The following PLIN3 variants were observed in gnomAD, a reference collection of about 807,000 sequenced individuals.
PLIN3 encodes perilipin 3.
A neutral mutation model predicts 35.9 loss-of-function variants in PLIN3; 30 were observed. The observed-to-expected ratio is 0.84, with a 90% CI of 0.62 to 1.13. The LOEUF (loss-of-function observed/expected upper bound fraction) is 1.13, where lower values mean the gene tolerates loss of function less well. PLIN3 is among the 50% of genes most tolerant of loss of function. The pLI, the probability that PLIN3 is intolerant of heterozygous loss-of-function variation, is 0.00. For missense variants in PLIN3, 603 were observed against 596.9 expected (o/e 1.01, Z -0.11); for synonymous variants, 261 against 262.5 (o/e 0.99, Z 0.06).
chr19:4,842,856 A>C (rs1005471101), intron 7 of PLIN3, among the ~76,000 whole-genome samples: 1 of 152,094 alleles, frequency 6.6e-6, no homozygotes, highest in African/African-American at 2.4e-5. Context: ...GATATTCACC[A>C]TATCTTTATG....
At position 4,840,613 on chromosome 19, in the gene PLIN3, T is replaced by C. The variant is rs1055194843; in HGVS notation, c.961-1077A>G. Among the ~76,000 whole-genome samples, 4 of 152,078 alleles carry C rather than the reference T, an allele frequency of 2.6e-5. No homozygotes were observed. The East Asian group carries it at 5.8e-4, about 22-fold the overall frequency. The stretch of plus-strand genomic sequence containing the variant: ...CCAAAGAAGATATAGGGAGAGCACA[T>C]GAAAAGCTGTTTGACCTTATAAGTC... On this transcript the variant is annotated intron_variant, in intron 7 of 7. Transcript: ENST00000221957.
At chr19:4,850,197 G>A (rs1030273178) in intron 5 of PLIN3, among the ~76,000 whole-genome samples, 1 of 151,700 alleles carries the variant, frequency 6.6e-6, no homozygotes, top group Non-Finnish European at 1.5e-5. Flanking sequence ...ACCCGCCTCA[G>A]CCTCCCAAAG....
intron 4 of PLIN3, among the ~76,000 whole-genome samples, chr19:4,854,029 C>T (rs2030392645): frequency 6.6e-6 from 1 of 150,906 alleles, no homozygotes; most frequent in Admixed American, 6.6e-5. Flanking sequence ...ACCTCTTCGG[C>T]TCCAGCGATC....
intron 1 of PLIN3, among the ~76,000 whole-genome samples, chr19:4,865,200 A>G (rs1286997586): frequency 6.7e-6 from 1 of 148,792 alleles, no homozygotes; most frequent in Non-Finnish European, 1.5e-5. Context: ...TCAAAGAAAA[A>G]AGAAAAAGCC....
Position 4,859,591 on chromosome 19 carries a change from T to C in PLIN3, c.347A>G (p.Lys116Arg), listed in dbSNP as rs1294605212. The C allele has an allele frequency of 1.2e-6, 2 of 1,613,620 alleles. No individual in the cohort carries two copies. The highest frequency in any genetic ancestry group is 1.7e-6 in the Non-Finnish European group (2 of 1,179,564). Residue 116 changes from lysine to arginine, a missense_variant and splice_region_variant, in exon 4 of 8, where the codon AAG (lysine) becomes AGG (arginine). Transcript: ENST00000221957. ...GCCCCTGAGGACGGACATCGTTACC[T>C]TCTCCGTGGGCTGCTGCAGGATGGG... is the stretch of plus-strand genomic sequence containing the variant. ...NLPILQQPTEKVLADTKELVS... is the reference protein window; with the variant it reads ...NLPILQQPTERVLADTKELVS...
At chr19:4,851,512 A>T (rs1408377077) in intron 5 of PLIN3, among the ~76,000 whole-genome samples, 2 of 152,128 alleles carry the variant, frequency 1.3e-5, no homozygotes, top group Non-Finnish European at 2.9e-5. Context: ...TAAACAGTGC[A>T]GGGAGTGCGA....
chr19:4,840,175 C>T (rs975758373), intron 7 of PLIN3, among the ~76,000 whole-genome samples: 3 of 151,976 alleles, frequency 2.0e-5, no homozygotes, highest in African/African-American at 4.8e-5. Flanking sequence ...ACCATGTTGG[C>T]CAGGCTGGTC....
At chr19:4,841,959 G>T (rs999801493) in intron 7 of PLIN3, among the ~76,000 whole-genome samples, 1 of 148,694 alleles carries the variant, frequency 6.7e-6, no homozygotes, top group African/African-American at 2.5e-5. Context: ...ACAAAAAGTG[G>T]AAGCCAGGCT....
intron 7 of PLIN3, among the ~76,000 whole-genome samples, chr19:4,843,234 C>T (rs376379352): frequency 7.3e-4 from 110 of 150,292 alleles, no homozygotes; most frequent in East Asian, 3.2e-3. Flanking sequence ...AGGCAGGGTG[C>T]GGTGGCTCAC....
intron 4 of PLIN3, among the ~76,000 whole-genome samples, chr19:4,858,963 AAGTGCTG>A (rs1350842010): frequency 6.6e-6 from 1 of 151,620 alleles, no homozygotes; most frequent in African/African-American, 2.4e-5. Context: ...TGGCCTCCCA[AAGTGCTG>A]GGATTACAGG....
At chr19:4,867,075 G>A (rs1180340874) in intron 1 of PLIN3, 1 of 152,268 alleles carries the variant, frequency 6.6e-6, no homozygotes, top group African/African-American at 2.4e-5. Context: ...GCCCACCCGA[G>A]GGAAGTGGGC....
intron 2 of PLIN3, 39 bp downstream of exon 2, chr19:4,861,290 A>G: frequency 6.3e-7 from 1 of 1,575,916 alleles, no homozygotes; most frequent in Non-Finnish European, 8.7e-7. Context: ...CACGGGAATC[A>G]CAGGGTCGGG....
intron 1 of PLIN3, among the ~76,000 whole-genome samples, chr19:4,861,805 T>C (rs1028146846): frequency 5.9e-5 from 9 of 151,876 alleles, no homozygotes; most frequent in Non-Finnish European, 8.8e-5. Context: ...CAGCTAATTT[T>C]TGTATTTTTA....
chr19:4,853,932 T>C (rs1263612745), intron 4 of PLIN3, among the ~76,000 whole-genome samples: 4 of 22,704 alleles, frequency 1.8e-4, no homozygotes, highest in African/African-American at 4.5e-4. Context: ...AATCTAAGTC[T>C]TTTTTTTTTT....
At chr19:4,847,585 C>T (rs567760489) in intron 6 of PLIN3, 106 bp downstream of exon 6, 1 of 937,648 alleles carries the variant, frequency 1.1e-6, no homozygotes, top group East Asian at 2.6e-5. Flanking sequence ...CGGGAATGGC[C>T]CTGCCAGCCT....
chr19:4,843,554 G>A (rs1014749681), intron 7 of PLIN3, among the ~76,000 whole-genome samples: 6 of 121,688 alleles, frequency 4.9e-5, no homozygotes, highest in South Asian at 2.7e-4. Flanking sequence ...ATCTGGGGTC[G>A]GGTGTGGTGG....
chr19:4,861,911 G>A (rs1360237651), intron 1 of PLIN3, among the ~76,000 whole-genome samples: 1 of 151,590 alleles, frequency 6.6e-6, no homozygotes. Context: ...GGGATTACAG[G>A]TGTGAGCCAC....
intron 4 of PLIN3, among the ~76,000 whole-genome samples, chr19:4,858,984 G>A (rs575669519): frequency 6.6e-5 from 10 of 152,176 alleles, no homozygotes; most frequent in African/African-American, 2.2e-4. Flanking sequence ...TTACAGGCAT[G>A]AGCCACCGCG....
intron 4 of PLIN3, among the ~76,000 whole-genome samples, chr19:4,854,395 TTTTTTG>T (rs1400415969): frequency 3.4e-5 from 3 of 87,592 alleles, no homozygotes; most frequent in South Asian, 3.9e-4. Context: ...GAGAGTCAAG[TTTTTTG>T]TTTTTGTTTT....
Sources: allele counts gnomAD v4.1 joint callset (sites outside exome capture counted in the v4.1 genomes callset), GRCh38; gene constraint gnomAD v4.1.1; transcripts MANE v1.5; gene names NCBI Gene and HGNC (gene_info 2026-07-23, HGNC 2026-07-21).